Variants in MAGI2 observed in about 807,000 individuals in gnomAD.
The protein encoded by MAGI2 is membrane associated guanylate kinase, WW and PDZ domain containing 2.
MAGI2 carries 35 observed loss-of-function variants against 133.3 expected under a neutral mutation model. The observed-to-expected ratio is 0.26, with a 90% confidence interval of 0.20 to 0.35. The LOEUF is 0.35. Ranked by LOEUF, MAGI2 falls within the 10% of genes least tolerant of loss-of-function variation. MAGI2 has a pLI of 1.00. For missense variants in MAGI2, 1,636 were observed against 1,863.4 expected (o/e 0.88, Z 2.25); for synonymous variants, 729 against 710.6 (o/e 1.03, Z -0.41).
chr7:79,283,405 T>C (rs1427239520), intron 1 of MAGI2, among the ~76,000 whole-genome samples: 1 of 152,136 alleles, frequency 6.6e-6, no homozygotes, highest in African/African-American at 2.4e-5. Context: ...ATAGCATTCA[T>C]TGCTTTGTAA....
chr7:79,229,046 A>T lies in MAGI2; in HGVS notation c.302-221840T>A, dbSNP rs848809. Among the ~76,000 whole-genome samples the T allele has an allele frequency of 7.9e-5, 12 of 151,818 alleles. 1 individual carries two copies. In the South Asian group the frequency reaches 1.7e-3, roughly 21 times the overall value. Reference sequence around the variant, plus strand: ...TTTACTTCTTGTGAACTTTGTTCCAAGTCTGAAGTAAAGCTCTGCAGGATG... The same window carrying T: ...TTTACTTCTTGTGAACTTTGTTCCATGTCTGAAGTAAAGCTCTGCAGGATG... On this transcript the variant is annotated intron_variant, in intron 1 of 21. Coordinates refer to ENST00000354212, the MANE Select transcript of MAGI2 (RefSeq NM_012301.4).
chr7:78,322,786 C>A (rs1325457720), intron 9 of MAGI2, among the ~76,000 whole-genome samples: 1 of 151,992 alleles, frequency 6.6e-6, no homozygotes, highest in Non-Finnish European at 1.5e-5. Flanking sequence ...TAAATCTAAA[C>A]TTATGATGAA....
chr7:78,599,971 G>C (rs1177361761), intron 3 of MAGI2, among the ~76,000 whole-genome samples: 1 of 152,144 alleles, frequency 6.6e-6, no homozygotes, highest in African/African-American at 2.4e-5. Flanking sequence ...CTTGAGGAAT[G>C]AATCAAACCC....
intron 21 of MAGI2, among the ~76,000 whole-genome samples, chr7:78,051,983 T>C (rs1198698083): frequency 6.6e-6 from 1 of 150,802 alleles, no homozygotes; most frequent in Non-Finnish European, 1.5e-5. Context: ...GCAATCCTGC[T>C]GCCTCAGCCT....
At chr7:78,537,781 C>T (rs181575111) in intron 3 of MAGI2, among the ~76,000 whole-genome samples, 1 of 150,222 alleles carries the variant, frequency 6.7e-6, no homozygotes, top group Admixed American at 6.7e-5. Context: ...AGGATTTTCT[C>T]CCATTCTATG....
chr7:79,068,494 T>A (rs1235118050), intron 1 of MAGI2, among the ~76,000 whole-genome samples: 3 of 152,198 alleles, frequency 2.0e-5, no homozygotes, highest in African/African-American at 7.2e-5. Context: ...TTCTTCTTTA[T>A]TAGTCTGGCT....
At chr7:79,352,073 T>G (rs773694955) in intron 1 of MAGI2, among the ~76,000 whole-genome samples, 2 of 152,178 alleles carry the variant, frequency 1.3e-5, no homozygotes, top group Non-Finnish European at 2.9e-5. Context: ...ATATAGAAAT[T>G]AATAATGGGA....
At chr7:78,859,276 G>A (rs532201365) in intron 2 of MAGI2, among the ~76,000 whole-genome samples, 27 of 152,306 alleles carry the variant, frequency 1.8e-4, no homozygotes, top group African/African-American at 6.5e-4. Context: ...ATTTGATCCT[G>A]TCATTATGAT....
intron 2 of MAGI2, among the ~76,000 whole-genome samples, chr7:78,946,373 A>T (rs1000074430): frequency 1.3e-5 from 2 of 152,200 alleles, no homozygotes; most frequent in African/African-American, 4.8e-5. Context: ...TTGGCACTTG[A>T]ACCTATCATA....
At chr7:78,573,217 A>AAT (rs1456335385) in intron 3 of MAGI2, among the ~76,000 whole-genome samples, 2 of 75,964 alleles carry the variant, frequency 2.6e-5, no homozygotes, top group African/African-American at 1.3e-4. Flanking sequence ...TATATATATA[A>AAT]ATATATATAA....
At chr7:78,561,689 G>A (rs1481607390) in intron 3 of MAGI2, among the ~76,000 whole-genome samples, 1 of 152,198 alleles carries the variant, frequency 6.6e-6, no homozygotes, top group Non-Finnish European at 1.5e-5. Context: ...ATGAATGAAT[G>A]AAGCAGCAGC....
At chr7:78,950,491 C>T (rs1274182502) in intron 2 of MAGI2, among the ~76,000 whole-genome samples, 1 of 152,158 alleles carries the variant, frequency 6.6e-6, no homozygotes, top group African/African-American at 2.4e-5. Context: ...ACATTTTTAG[C>T]ACTGTTTTAT....
intron 1 of MAGI2, among the ~76,000 whole-genome samples, chr7:79,438,420 G>C (rs1046480657): frequency 6.6e-6 from 1 of 152,038 alleles, no homozygotes; most frequent in African/African-American, 2.4e-5. Flanking sequence ...ACTATCTTAT[G>C]AATAGTTATG....
intron 1 of MAGI2, among the ~76,000 whole-genome samples, chr7:79,103,766 C>A (rs1031997855): frequency 1.3e-5 from 2 of 152,042 alleles, no homozygotes; most frequent in African/African-American, 4.8e-5. Context: ...GTGGCGCAAT[C>A]TTGGCTCACT....
chr7:78,566,504 G>A lies in MAGI2; in HGVS notation c.539-44859C>T, dbSNP rs113225301. Reference sequence around the variant, plus strand: ...AACAAAGCAATCTATCCAGGATGATGAAAGACAGGGCTATCAACAGACACA... The same window carrying A: ...AACAAAGCAATCTATCCAGGATGATAAAAGACAGGGCTATCAACAGACACA... On this transcript the variant is annotated intron_variant, in intron 3 of 21. Coordinates refer to ENST00000354212, the MANE Select transcript of MAGI2 (RefSeq NM_012301.4). Among the ~76,000 whole-genome samples the A allele has an allele frequency of 1.6e-3, 224 of 140,456 alleles. 1 individual carries two copies. The highest frequency in any genetic ancestry group is 5.5e-3 in the African/African-American group (207 of 37,776). The allele number at this position is 140,456 out of a possible 152,430, so 92.1% of individuals were successfully genotyped here.
chr7:78,062,932 G>T (rs112121225), intron 21 of MAGI2, among the ~76,000 whole-genome samples: 146 of 152,194 alleles, frequency 9.6e-4, no homozygotes, highest in African/African-American at 3.4e-3. Flanking sequence ...CTCTGATCCT[G>T]TCCTTCACAT....
intron 1 of MAGI2, among the ~76,000 whole-genome samples, chr7:79,372,265 TCACAATTCAA>T (rs1843096315): frequency 6.6e-6 from 1 of 152,044 alleles, no homozygotes; most frequent in Non-Finnish European, 1.5e-5. Flanking sequence ...GTTATGACAG[TCACAATTCAA>T]AGAATGAAAC....
At position 78,454,334 on chromosome 7, in the gene MAGI2, C is replaced by A. The variant is rs956618284; in HGVS notation, c.1045+35427G>T. Among the ~76,000 whole-genome samples, 3 of 152,292 alleles carry A rather than the reference C, an allele frequency of 2.0e-5. No homozygotes were observed. In the East Asian group the frequency reaches 5.8e-4, roughly 29 times the overall value. ...TTTGAGCCATTTCTTAAGGAGATCCCTTCCTTTCTCTATACATGAAACTCA... is the reference window on the plus strand; with the variant it reads ...TTTGAGCCATTTCTTAAGGAGATCCATTCCTTTCTCTATACATGAAACTCA... On this transcript the variant is annotated intron_variant, in intron 6 of 21. Coordinates refer to ENST00000354212, the MANE Select transcript of MAGI2 (RefSeq NM_012301.4).
intron 6 of MAGI2, among the ~76,000 whole-genome samples, chr7:78,413,492 TATTAAC>T (rs1454864580): frequency 6.6e-6 from 1 of 152,030 alleles, no homozygotes; most frequent in Non-Finnish European, 1.5e-5. Context: ...GCTCTGCATA[TATTAAC>T]ATTAAGATCC....
Sources: allele counts gnomAD v4.1 joint callset (sites outside exome capture counted in the v4.1 genomes callset), GRCh38; gene constraint gnomAD v4.1.1; transcripts MANE v1.5; gene names NCBI Gene and HGNC (gene_info 2026-07-23, HGNC 2026-07-21).